Variants in GALNTL6 observed in about 807,000 individuals in gnomAD.
GALNTL6 encodes the protein polypeptide N-acetylgalactosaminyltransferase-like 6.
GALNTL6 carries 46 observed loss-of-function variants against 73.7 expected under a neutral mutation model. The observed-to-expected ratio is 0.62, with a 90% confidence interval of 0.49 to 0.80. GALNTL6 has a LOEUF of 0.80. GALNTL6 is among the 30% of genes least tolerant of loss of function. The pLI is 0.00. For missense variants in GALNTL6, 604 were observed against 755.0 expected, an observed-to-expected ratio of 0.80 and a Z score of 2.34; for synonymous variants, 259 against 263.7, an observed-to-expected ratio of 0.98 and a Z score of 0.17.
chr4:172,881,751 G>A (rs115128985), intron 7 of GALNTL6, among the ~76,000 whole-genome samples: 1 of 152,084 alleles, frequency 6.6e-6, no homozygotes, highest in Non-Finnish European at 1.5e-5. Flanking sequence ...TTATCGATTT[G>A]CTTGATCTGC....
At chr4:171,915,843 A>G (rs778966894) in intron 2 of GALNTL6, among the ~76,000 whole-genome samples, 5 of 152,154 alleles carry the variant, frequency 3.3e-5, no homozygotes, top group African/African-American at 4.8e-5. Context: ...GCTTTTTCCC[A>G]ACACTTGGAC....
At chr4:172,374,893 A>G (rs1742971160) in intron 5 of GALNTL6, among the ~76,000 whole-genome samples, 1 of 152,196 alleles carries the variant, frequency 6.6e-6, no homozygotes. Flanking sequence ...CTATGTACCT[A>G]TCAGGATCAT....
chr4:172,400,744 A>G (rs1744006892), intron 5 of GALNTL6, among the ~76,000 whole-genome samples: 1 of 152,078 alleles, frequency 6.6e-6, no homozygotes, highest in South Asian at 2.1e-4. Flanking sequence ...AAGGTTAGAG[A>G]GGAAAGCCGA....
intron 3 of GALNTL6, among the ~76,000 whole-genome samples, chr4:172,304,084 T>C (rs983712292): frequency 6.6e-6 from 1 of 152,344 alleles, no homozygotes; most frequent in African/African-American, 2.4e-5. Flanking sequence ...CTGGGTTTTT[T>C]TTCTCTCAAA....
intron 5 of GALNTL6, among the ~76,000 whole-genome samples, chr4:172,750,924 A>G (rs888434871): frequency 6.6e-6 from 1 of 152,070 alleles, no homozygotes; most frequent in Non-Finnish European, 1.5e-5. Flanking sequence ...TGGAGCCTCA[A>G]TGTTATCTAA....
At chr4:172,909,977 G>C (rs1054609795) in intron 8 of GALNTL6, among the ~76,000 whole-genome samples, 1 of 151,706 alleles carries the variant, frequency 6.6e-6, no homozygotes, top group African/African-American at 2.4e-5. Flanking sequence ...ATTTTTACTA[G>C]TATGGAATAA....
intron 7 of GALNTL6, among the ~76,000 whole-genome samples, chr4:172,864,580 T>C (rs1744567202): frequency 6.6e-6 from 1 of 152,244 alleles, no homozygotes; most frequent in African/African-American, 2.4e-5. Context: ...GAAGCCATGA[T>C]ATCTCTATTT....
intron 4 of GALNTL6, among the ~76,000 whole-genome samples, chr4:172,317,385 T>C (rs1032658489): frequency 7.9e-5 from 12 of 152,192 alleles, no homozygotes; most frequent in Non-Finnish European, 1.8e-4. Flanking sequence ...GTATGAAGAT[T>C]ATTAAAATTG....
intron 2 of GALNTL6, among the ~76,000 whole-genome samples, chr4:171,917,090 G>T (rs186906969): frequency 2.5e-4 from 38 of 152,098 alleles, no homozygotes; most frequent in Admixed American, 2.5e-3. Flanking sequence ...CACATTTCTG[G>T]CTCAAACTTC....
intron 7 of GALNTL6, among the ~76,000 whole-genome samples, chr4:172,843,927 T>C (rs187364453): frequency 2.6e-4 from 40 of 152,132 alleles, no homozygotes; most frequent in Non-Finnish European, 4.3e-4. Context: ...GGCGTGGTGG[T>C]GCACACCTGT....
chr4:172,460,272 A>G (rs1449290672), intron 5 of GALNTL6, among the ~76,000 whole-genome samples: 1 of 152,214 alleles, frequency 6.6e-6, no homozygotes, highest in Non-Finnish European at 1.5e-5. Flanking sequence ...AAACCCTTGA[A>G]GAAAACCTAG....
chr4:172,383,484 T>G (rs1403783292), intron 5 of GALNTL6, among the ~76,000 whole-genome samples: 1 of 152,168 alleles, frequency 6.6e-6, no homozygotes, highest in Non-Finnish European at 1.5e-5. Context: ...GAATTATTAG[T>G]TCTAATTTTT....
intron 2 of GALNTL6, among the ~76,000 whole-genome samples, chr4:171,939,100 A>AG (rs1200688632): frequency 6.6e-6 from 1 of 151,504 alleles, no homozygotes; most frequent in African/African-American, 2.4e-5. Flanking sequence ...ATGGAAAAAA[A>AG]AAACAATTAA....
intron 5 of GALNTL6, among the ~76,000 whole-genome samples, chr4:172,459,403 A>C (rs1423863173): frequency 6.6e-6 from 1 of 152,228 alleles, no homozygotes; most frequent in African/African-American, 2.4e-5. Flanking sequence ...GTATTCAAAT[A>C]GGAAGAGAGG....
chr4:171,970,134 G>C (rs1440217456), intron 2 of GALNTL6, among the ~76,000 whole-genome samples: 1 of 152,166 alleles, frequency 6.6e-6, no homozygotes, highest in African/African-American at 2.4e-5. Context: ...ATAAATTGAA[G>C]AGAGGATTTT....
rs1450604541 is a variant in GALNTL6, at chr4:172,492,415, A to G, written c.553+143726A>G. Among the ~76,000 whole-genome samples, 3 of 152,138 alleles carry G rather than the reference A, an allele frequency of 2.0e-5. No homozygotes were observed. In the East Asian group the frequency reaches 5.8e-4, roughly 29 times the overall value. On this transcript the variant is annotated intron_variant, in intron 5 of 12. Transcript: ENST00000506823. ...TATATTTTAGTTTGGCTGCACTGTC[A>G]CTCAGAGTAAGCAGTCTGAATCCTG...
At chr4:172,746,667 T>G (rs1160554285) in intron 5 of GALNTL6, among the ~76,000 whole-genome samples, 1 of 152,064 alleles carries the variant, frequency 6.6e-6, no homozygotes, top group Non-Finnish European at 1.5e-5. Context: ...ATTAAAAAAT[T>G]CAATAAATTA....
rs771527881 is a variant in GALNTL6 at position 173,039,983 on chromosome 4, C to T, written c.1689C>T (p.Pro563=). 1.4e-5 allele frequency: 22 copies of T among 1,613,604 alleles called. No individual in the cohort carries two copies. In the Admixed American group the frequency reaches 2.5e-4, roughly 18 times the overall value. Residue 563 remains proline, a synonymous_variant, in exon 13 of 13, where the codon CCC becomes CCT. Transcript: ENST00000506823. ...GCAACAGCTGCATGGATTGCAACCC[C>T]GCAGAGAAGAAGATTTTCATGGCCA... ...PVSNSCMDCN[P]AEKKIFMARC...
chr4:172,704,915 C>CTCCCTATA (rs2111303219), intron 5 of GALNTL6, among the ~76,000 whole-genome samples: 2 of 152,024 alleles, frequency 1.3e-5, no homozygotes, highest in East Asian at 3.9e-4. Flanking sequence ...GCCAAGTTGA[C>CTCCCTATA]TCTGTTCTCC....
Sources: allele counts gnomAD v4.1 joint callset (sites outside exome capture counted in the v4.1 genomes callset), GRCh38; gene constraint gnomAD v4.1.1; transcripts MANE v1.5; gene names NCBI Gene and HGNC (gene_info 2026-07-23, HGNC 2026-07-21).